Variants in RNF145 observed in about 807,000 individuals in gnomAD.
RNF145 encodes the protein ring finger protein 145.
Under a neutral mutation model 57.3 loss-of-function variants are expected in RNF145, and 12 were observed. The observed-to-expected ratio is 0.21, with a 90% CI of 0.13 to 0.34. The LOEUF is 0.34. Among genes scored for constraint, RNF145 ranks in the 10% least tolerant of loss-of-function variants. RNF145 has a pLI of 1.00. For synonymous variants in RNF145, 262 were observed against 288.3 expected (o/e 0.91, Z 0.92); for missense variants, 429 against 799.0 (o/e 0.54, Z 5.58).
intron 4 of RNF145, 123 bp from the exon 5 acceptor site, chr5:159,176,990 GT>G: frequency 1.7e-6 from 1 of 591,324 alleles, no homozygotes. Flanking sequence ...CTAAAATCTC[GT>G]AGATAATATT....
chr5:159,173,949 G>A (rs1426170986), intron 6 of RNF145, 34 bp downstream of exon 6: 5 of 1,493,130 alleles, frequency 3.3e-6, no homozygotes, highest in African/African-American at 1.4e-5. Flanking sequence ...TCTTTCTAAG[G>A]TTATATATAG....
chr5:159,199,846 G>A (rs1302809827), intron 2 of RNF145, among the ~76,000 whole-genome samples: 2 of 152,072 alleles, frequency 1.3e-5, no homozygotes, highest in African/African-American at 2.4e-5. Context: ...AAAAAACAGT[G>A]GGCAGTCACT....
chr5:159,188,191 G>C (rs1168359167), intron 3 of RNF145, among the ~76,000 whole-genome samples: 1 of 151,920 alleles, frequency 6.6e-6, no homozygotes, highest in Non-Finnish European at 1.5e-5. Context: ...GACCATCCTG[G>C]CTAACATGGT....
intron 1 of RNF145, chr5:159,208,226 G>GGCCGCC: frequency 8.4e-7 from 1 of 1,185,474 alleles, no homozygotes; most frequent in Non-Finnish European, 1.1e-6. Flanking sequence ...GCAGCAACCG[G>GGCCGCC]GCCGCCGCCG....
chr5:159,167,528 A>G (rs1256397196), intron 8 of RNF145, among the ~76,000 whole-genome samples: 2 of 152,180 alleles, frequency 1.3e-5, no homozygotes, highest in Non-Finnish European at 2.9e-5. Flanking sequence ...AGTTTTATCA[A>G]TATATACTAA....
At position 159,209,242 on chromosome 5, in the gene RNF145, G is replaced by A. The variant is rs1021716903; in HGVS notation, c.-51C>T. 3.4e-5 allele frequency: 33 copies of A among 985,008 alleles called. No homozygotes were observed. The African/African-American group carries it at 4.4e-4, about 13-fold the overall frequency. The allele number at this position is 985,008 out of a possible 1,614,324, so 61.0% of individuals were successfully genotyped here. ...GGCGGCGTGGTCACCTCAGGCTGCG[G>A]ACTCCCTCCCTGGGGAGCGGCGCTG... On this transcript the variant is annotated 5_prime_UTR_variant, in exon 1 of 11. Transcript: ENST00000424310.
chr5:159,161,135 C>T, intron 10 of RNF145, 131 bp downstream of exon 10: 4 of 592,656 alleles, frequency 6.7e-6, no homozygotes, highest in Non-Finnish European at 9.0e-6. Context: ...AATATAATTT[C>T]TGAGGTCCAT....
Position 159,209,279 on chromosome 5 carries a change from G to T in RNF145, c.-88C>A. ...GGGGAGCGGCGCTGCCGGCGGGCGGGCTCCGCAACTCCCCGGCTCTCTCGC... is the reference window on the plus strand; with the variant it reads ...GGGGAGCGGCGCTGCCGGCGGGCGGTCTCCGCAACTCCCCGGCTCTCTCGC... On this transcript the variant is annotated 5_prime_UTR_variant, in exon 1 of 11. Coordinates refer to ENST00000424310, the MANE Select transcript of RNF145 (RefSeq NM_001199383.2). 1 of 985,370 alleles carries T rather than the reference G, an allele frequency of 1.0e-6. No homozygotes were observed. Among genetic ancestry groups the T allele is most frequent in the Non-Finnish European group, 1.2e-6 (1 of 829,886 alleles). The allele number at this position is 985,370 out of a possible 1,614,324, so 61.0% of individuals were successfully genotyped here.
intron 5 of RNF145, 145 bp from the exon 6 acceptor site, chr5:159,174,303 A>G (rs1488679550): frequency 4.9e-6 from 3 of 608,936 alleles, no homozygotes; most frequent in Non-Finnish European, 8.6e-6. Context: ...AAGTTAGCCT[A>G]TATAGTTAAT....
At position 159,203,128 on chromosome 5, in the gene RNF145, AG is replaced by A. The variant is rs1785730103; in HGVS notation, c.184+305del. Among the ~76,000 whole-genome samples the A allele has an allele frequency of 2.0e-5, 3 of 152,278 alleles. No homozygotes were observed. The South Asian group carries it at 6.2e-4, about 32-fold the overall frequency. On this transcript the variant is annotated intron_variant, in intron 2 of 10. Coordinates refer to ENST00000424310, the MANE Select transcript of RNF145 (RefSeq NM_001199383.2). Reference sequence around the variant, plus strand: ...AACCCCAAAACAAGGACAAATTAGAAGGGGCCAAATGTCTCTAAAAGTATTT... The same window carrying A: ...AACCCCAAAACAAGGACAAATTAGAAGGGCCAAATGTCTCTAAAAGTATTT...
intron 3 of RNF145, among the ~76,000 whole-genome samples, chr5:159,193,933 C>A (rs1244140705): frequency 1.3e-5 from 2 of 152,134 alleles, no homozygotes; most frequent in Non-Finnish European, 2.9e-5. Flanking sequence ...AGAAATTATA[C>A]CTCCAAAATA....
chr5:159,162,225 G>A (rs890826538), intron 9 of RNF145, among the ~76,000 whole-genome samples: 15 of 151,872 alleles, frequency 9.9e-5, no homozygotes, highest in Middle Eastern at 3.4e-3. Context: ...TGGAACTATT[G>A]GTATTTTTGA....
At chr5:159,194,893 G>A in intron 2 of RNF145, 69 bp from the exon 3 acceptor site, 2 of 1,085,320 alleles carry the variant, frequency 1.8e-6, no homozygotes, top group Non-Finnish European at 2.7e-6. Flanking sequence ...AAAAGAAAGA[G>A]CTTGAGACAA....
At position 159,158,952 on chromosome 5, in the gene RNF145, G is replaced by T; in HGVS notation, c.1710C>A (p.Thr570=). 1.2e-6 allele frequency: 2 copies of T among 1,613,946 alleles called. No homozygotes were observed. Among genetic ancestry groups the T allele is most frequent in the Non-Finnish European group, 8.5e-7 (1 of 1,179,848 alleles). ...CLKKWLYVQE[T]CPLCHCHLKN... is the part of the protein sequence containing the mutation. The stretch of plus-strand genomic sequence containing the variant: ...TCAGATGGCAGTGGCACAGAGGGCA[G>T]GTCTCCTGGACATACAGCCATTTCT... The change falls in exon 11 of 11, where the codon ACC becomes ACA. Residue 570 remains threonine (T), a synonymous_variant. Transcript: ENST00000424310.
intron 2 of RNF145, among the ~76,000 whole-genome samples, chr5:159,200,765 C>A (rs1028905647): frequency 6.6e-6 from 1 of 152,090 alleles, no homozygotes; most frequent in Admixed American, 6.5e-5. Flanking sequence ...CAAATTCCCA[C>A]AAATTGGTAA....
intron 3 of RNF145, among the ~76,000 whole-genome samples, chr5:159,190,681 CAAAAAAAAAAAAA>C (rs58247587): frequency 3.4e-5 from 3 of 87,278 alleles, no homozygotes; most frequent in South Asian, 4.0e-4. Context: ...ACAACCATCT[CAAAAAAAAAAAAA>C]AAAAAAAAGA....
chr5:159,203,651 G>C lies in RNF145; in HGVS notation c.-34C>G. 1 of 1,576,840 alleles carries C rather than the reference G, an allele frequency of 6.3e-7. No individual in the cohort carries two copies. The highest frequency in any genetic ancestry group is 8.6e-7 in the Non-Finnish European group (1 of 1,165,202). On this transcript the variant is annotated 5_prime_UTR_variant, in exon 2 of 11. Transcript: ENST00000424310. The stretch of plus-strand genomic sequence containing the variant: ...TTTTTTTCTTTTTTTTTTTCTTGGA[G>C]AAGACCTAAAATTCAGAAGACACAA...
chr5:159,160,073 C>T (rs1300856491), intron 10 of RNF145, among the ~76,000 whole-genome samples: 2 of 152,096 alleles, frequency 1.3e-5, no homozygotes, highest in African/African-American at 4.8e-5. Flanking sequence ...ACAAACAGGA[C>T]TCTTGAATCC....
chr5:159,199,285 T>C (rs997043191), intron 2 of RNF145, among the ~76,000 whole-genome samples: 15 of 148,896 alleles, frequency 1.0e-4, no homozygotes, highest in Admixed American at 1.3e-4. Flanking sequence ...AACAAAAGAT[T>C]AAAATTAAAC....
Sources: gnomAD v4.1 joint callset for allele counts (sites outside exome capture counted in the v4.1 genomes callset) on GRCh38, gnomAD v4.1.1 for gene constraint, MANE v1.5 for transcripts, NCBI Gene and HGNC (gene_info 2026-07-23, HGNC 2026-07-21) for gene names.